The following KDM6B variants were observed in gnomAD, a reference collection of about 807,000 sequenced individuals.
KDM6B encodes the protein lysine demethylase 6B.
KDM6B carries 22 observed loss-of-function variants against 150.4 expected under a neutral mutation model. That is an observed-to-expected ratio of 0.15 (90% CI 0.10 to 0.21). The LOEUF (loss-of-function observed/expected upper bound fraction) is 0.21. Ranked by LOEUF, KDM6B falls within the 10% of genes least tolerant of loss-of-function variation. The pLI is 1.00. For synonymous variants in KDM6B, 1,148 were observed against 921.1 expected, an observed-to-expected ratio of 1.25 and a Z score of -4.46; for missense variants, 1,984 against 2,234.3, an observed-to-expected ratio of 0.89 and a Z score of 2.26.
intron 2 of KDM6B, among the ~76,000 whole-genome samples, chr17:7,842,006 GCGCGCGCGCAGCA>G (rs930721967): frequency 6.6e-6 from 1 of 151,462 alleles, no homozygotes; most frequent in Non-Finnish European, 1.5e-5. Flanking sequence ...CCCCACCTCG[GCGCGCGCGCAGCA>G]TGCCCGCTGA....
rs1382680169 is a variant in KDM6B at position 7,834,265 on chromosome 17, A to G, written c.-473A>G. On this transcript the variant is annotated 5_prime_UTR_variant, in exon 1 of 24. Transcript: ENST00000448097. Reference sequence around the variant, plus strand: ...CGCCACTGGGCGGAGCGGCCCCCCCAGCCCCGGCCTGGGAGAAGGGGGGGC... The same window carrying G: ...CGCCACTGGGCGGAGCGGCCCCCCCGGCCCCGGCCTGGGAGAAGGGGGGGC... Among the ~76,000 whole-genome samples the G allele has an allele frequency of 6.6e-6, 1 of 150,378 alleles. No individual in the cohort carries two copies.
rs2078533504 is a variant in KDM6B at position 7,846,240 on chromosome 17, C to T, written c.399C>T (p.Ala133=). The change falls in exon 7 of 24, where the codon GCC becomes GCT. Residue 133 remains alanine (A), a synonymous_variant. Coordinates refer to ENST00000448097, the MANE Select transcript of KDM6B (RefSeq NM_001348716.2). ...SEEATRCYHS[A]LRYGGSFAEL... Reference sequence around the variant, plus strand: ...AGGCCACACGCTGCTACCACAGCGCCCTTCGATACGGAGGAAGCTTCGCTG... The same window carrying T: ...AGGCCACACGCTGCTACCACAGCGCTCTTCGATACGGAGGAAGCTTCGCTG... 4 of 1,614,036 alleles carry T rather than the reference C, an allele frequency of 2.5e-6. No homozygotes were observed. The East Asian group carries it at 8.9e-5, about 36-fold the overall frequency.
intron 14 of KDM6B, 51 bp downstream of exon 14, chr17:7,850,228 A>AT (rs1252506695): frequency 6.9e-7 from 1 of 1,439,546 alleles, no homozygotes; most frequent in Non-Finnish European, 9.7e-7. Flanking sequence ...GGTCTGGGGC[A>AT]TGTAGGACCC....
rs776461363 is a variant in KDM6B, at chr17:7,849,662, A to T, written c.3374A>T (p.Glu1125Val). Reference protein sequence around the residue: ...KETFIASEVEERRLRMADLTI... With the variant: ...KETFIASEVEVRRLRMADLTI... Reference sequence around the variant, plus strand: ...ACCTTTATCGCCTCTGAGGTGGAAGAGCGGCGGCTGCGCATGGCAGACCTC... The same window carrying T: ...ACCTTTATCGCCTCTGAGGTGGAAGTGCGGCGGCTGCGCATGGCAGACCTC... Residue 1125 changes from glutamate to valine, a missense_variant, in exon 12 of 24, where the codon GAG (glutamate) becomes GTG (valine). Transcript: ENST00000448097. 6.2e-7 allele frequency: 1 copy of T among 1,610,064 alleles called. No individual in the cohort carries two copies. The highest frequency in any genetic ancestry group is 8.5e-7 in the Non-Finnish European group (1 of 1,179,970).
At position 7,843,937 on chromosome 17, in the gene KDM6B, T is replaced by TG. The variant is rs201807594; in HGVS notation, c.-268-956dup. On this transcript the variant is annotated intron_variant, in intron 2 of 23. Transcript: ENST00000448097. The surrounding 1 kb of genome is among the most constrained non-coding windows in gnomAD (Gnocchi z 4.5). ...TCCAGTCGGCACCAAAGCGAAAGGG[T>TG]GGGGGGGGCGTGAAGGAGGAAGTGA... Among the ~76,000 whole-genome samples the TG allele has an allele frequency of 0.05, 7,139 of 142,860 alleles. 357 individuals carry two copies. Among genetic ancestry groups the TG allele is most frequent in the South Asian group, 0.14 (606 of 4,460 alleles). The allele number at this position is 142,860 out of a possible 152,430, so 93.7% of individuals were successfully genotyped here.
chr17:7,851,571 G>A (rs2078695218), intron 17 of KDM6B, 22 bp downstream of exon 17: 1 of 1,613,202 alleles, frequency 6.2e-7, no homozygotes. Context: ...TGAGGCCAGG[G>A]AAGTTGGGGC....
chr17:7,848,170 C>G lies in KDM6B; in HGVS notation c.1882C>G (p.Pro628Ala). The change falls in exon 12 of 24, where the codon CCC becomes GCC. Residue 628 changes from proline to alanine, a missense_variant. Physicochemically the swap from Pro to Ala is conservative, Grantham distance 27 (BLOSUM62 -1). This residue lies in a region of KDM6B where 1,379 missense variants were observed against 1,275.6 expected (regional missense o/e 1.08). Coordinates refer to ENST00000448097, the MANE Select transcript of KDM6B (RefSeq NM_001348716.2). ...TSGSFRRPES[P>A]RPRVSFPKTP... ...AGGAAGCTTCAGGCGCCCGGAGAGC[C>G]CCCGGCCCAGGGTCTCCTTCCCAAA... 1 of 1,612,734 alleles carries G rather than the reference C, an allele frequency of 6.2e-7. No individual in the cohort carries two copies. Among genetic ancestry groups the G allele is most frequent in the Non-Finnish European group, 8.5e-7 (1 of 1,179,920 alleles).
intron 2 of KDM6B, among the ~76,000 whole-genome samples, chr17:7,842,526 A>G (rs867540767): frequency 2.0e-5 from 3 of 152,246 alleles, no homozygotes; most frequent in Middle Eastern, 6.8e-3. Flanking sequence ...CTTGGTTAGT[A>G]TAGACACCGG....
At chr17:7,845,495 C>G (rs1000023204) in intron 4 of KDM6B, 39 bp downstream of exon 4, 2 of 1,608,800 alleles carry the variant, frequency 1.2e-6, no homozygotes, top group African/African-American at 2.7e-5. Context: ...TGGATGTACA[C>G]TGGCAGCTCT....
chr17:7,837,868 A>C (rs1391605657), intron 1 of KDM6B, among the ~76,000 whole-genome samples: 1 of 151,758 alleles, frequency 6.6e-6, no homozygotes, highest in African/African-American at 2.4e-5. Flanking sequence ...TAACCGTAGG[A>C]GTTTGTTAAG....
chr17:7,847,006 C>T lies in KDM6B; in HGVS notation c.899C>T (p.Pro300Leu). 6.2e-7 allele frequency: 1 copy of T among 1,613,660 alleles called. No individual in the cohort carries two copies. The highest frequency in any genetic ancestry group is 8.5e-7 in the Non-Finnish European group (1 of 1,179,936). ...CCAGAGCGCAAGGGTTCAGCACCCC[C>T]AGAGCGCCAGGTGAGCCCCTGCCTG... The part of the protein sequence containing the change: ...WGPERKGSAP[P>L]ERQEQRHSLP... The change falls in exon 10 of 24, where the codon CCA (proline) becomes CTA (leucine). Residue 300 changes from proline (P) to leucine (L), a missense_variant. Coordinates refer to ENST00000448097, the MANE Select transcript of KDM6B (RefSeq NM_001348716.2).
At chr17:7,849,757 G>C (rs372728295) in intron 12 of KDM6B, 29 bp downstream of exon 12, 1 of 1,612,650 alleles carries the variant, frequency 6.2e-7, no homozygotes, top group Middle Eastern at 1.7e-4. Context: ...TGCTTGTCCC[G>C]GAGACAGGCT....
At chr17:7,840,982 G>C (rs1473197018) in intron 2 of KDM6B, among the ~76,000 whole-genome samples, 1 of 152,160 alleles carries the variant, frequency 6.6e-6, no homozygotes, top group African/African-American at 2.4e-5. Flanking sequence ...GGGAGAGTAG[G>C]ACAGAGGCAG....
rs762620745 is a variant in KDM6B at position 7,846,550 on chromosome 17, C to T, written c.550-29C>T. On this transcript the variant is annotated intron_variant, in intron 8 of 23. Coordinates refer to ENST00000448097, the MANE Select transcript of KDM6B (RefSeq NM_001348716.2). ...AGCCAGGCTGTGCCTGCACCCGTGC[C>T]ATTTTCTCTTCTCTCTTTTTGTTCT... 6 of 1,613,938 alleles carry T rather than the reference C, an allele frequency of 3.7e-6. No individual in the cohort carries two copies. In the African/African-American group the frequency reaches 8.0e-5, roughly 22 times the overall value.
chr17:7,849,052 G>A lies in KDM6B; in HGVS notation c.2764G>A (p.Glu922Lys). The A allele has an allele frequency of 1.9e-6, 3 of 1,611,478 alleles. No individual in the cohort carries two copies. The highest frequency in any genetic ancestry group is 2.2e-5 in the East Asian group (1 of 44,798). The change falls in exon 12 of 24, where the codon GAG becomes AAG. Residue 922 changes from glutamate (E) to lysine (K), a missense_variant. Coordinates refer to ENST00000448097, the MANE Select transcript of KDM6B (RefSeq NM_001348716.2). Reference sequence around the variant, plus strand: ...GCTAGAAGAGATCAGCCGGGCTTGCGAGACCCTTGTGGAGCGGGTGGGCCG... The same window carrying A: ...GCTAGAAGAGATCAGCCGGGCTTGCAAGACCCTTGTGGAGCGGGTGGGCCG... ...EVLEEISRACETLVERVGRSA... is the reference protein window; with the variant it reads ...EVLEEISRACKTLVERVGRSA...
intron 2 of KDM6B, among the ~76,000 whole-genome samples, chr17:7,842,019 A>T (rs1445702840): frequency 1.3e-5 from 2 of 152,190 alleles, no homozygotes; most frequent in African/African-American, 2.4e-5. Context: ...CGCGCGCAGC[A>T]TGCCCGCTGA....
chr17:7,849,478 C>G lies in KDM6B; in HGVS notation c.3190C>G (p.Pro1064Ala). 1 of 1,612,794 alleles carries G rather than the reference C, an allele frequency of 6.2e-7. No individual in the cohort carries two copies. The highest frequency in any genetic ancestry group is 8.5e-7 in the Non-Finnish European group (1 of 1,179,894). The change falls in exon 12 of 24, where the codon CCC becomes GCC. Residue 1064 changes from proline to alanine, a missense_variant. Transcript: ENST00000448097. ...SAPAPSAQPT[P>A]PSASVPGKKA... ...TCCTGCACCTTCTGCCCAGCCCACA[C>G]CCCCGTCAGCCTCTGTCCCTGGAAA...
rs377441486 is a variant in KDM6B at position 7,845,654 on chromosome 17, C to T, written c.100C>T (p.His34Tyr). The T allele has an allele frequency of 8.7e-6, 14 of 1,614,026 alleles. No homozygotes were observed. In the African/African-American group the frequency reaches 1.7e-4, roughly 20 times the overall value. ...TGGGGCCTGGAGCTCCTGCCCGCCT[C>T]ATCCCCCTCCTCGTAGCGCATGGCT... ...CAGAWSSCPP[H>Y]PPPRSAWLPG... Residue 34 changes from histidine to tyrosine, a missense_variant, in exon 5 of 24, where the codon CAT becomes TAT. By Grantham distance (83) the His-to-Tyr change is moderately conservative (BLOSUM62 2). Transcript: ENST00000448097.
chr17:7,834,756 C>T (rs1203814092), intron 1 of KDM6B, among the ~76,000 whole-genome samples: 1 of 152,102 alleles, frequency 6.6e-6, no homozygotes, highest in Non-Finnish European at 1.5e-5. Context: ...TGTCCCGGTC[C>T]CAGGACTACT....
Sources: allele counts gnomAD v4.1 joint callset (sites outside exome capture counted in the v4.1 genomes callset), GRCh38; gene constraint gnomAD v4.1.1; regional missense constraint gnomAD v4.1.1; non-coding constraint Gnocchi (gnomAD v3.1); transcripts MANE v1.5; gene names NCBI Gene and HGNC (gene_info 2026-07-23, HGNC 2026-07-21).